EMID1: variants seen among roughly 807,000 people sequenced by gnomAD.
EMID1 encodes EMI domain-containing protein 1.
A neutral mutation model predicts 60.6 loss-of-function variants in EMID1; 40 were observed. That is an observed-to-expected ratio of 0.66 (90% CI 0.51 to 0.86). EMID1 has a LOEUF of 0.86. Ranked by LOEUF, EMID1 falls within the 40% of genes least tolerant of loss-of-function variation. The probability of loss-of-function intolerance (pLI) is 0.00; values close to 1 mark genes in which losing one functional copy is unlikely to be tolerated. For synonymous variants in EMID1, 242 were observed against 231.0 expected (o/e 1.05, Z -0.43); for missense variants, 585 against 597.1 (o/e 0.98, Z 0.21).
intron 3 of EMID1, among the ~76,000 whole-genome samples, chr22:29,224,688 T>C (rs1375588491): frequency 1.3e-5 from 2 of 152,250 alleles, no homozygotes; most frequent in African/African-American, 2.4e-5. Flanking sequence ...GTGTGCACAG[T>C]GGGCCCTTTG....
chr22:29,227,431 G>A (rs1044373788), intron 5 of EMID1, among the ~76,000 whole-genome samples: 7 of 151,242 alleles, frequency 4.6e-5, no homozygotes, highest in South Asian at 4.2e-4. Flanking sequence ...ACTGCTTGGC[G>A]CAGCGGCTCA....
intron 12 of EMID1, among the ~76,000 whole-genome samples, chr22:29,240,535 T>A (rs1242665979): frequency 6.6e-6 from 1 of 151,788 alleles, no homozygotes. Context: ...GTGACTTGGA[T>A]GGAATCCAGG....
At position 29,214,982 on chromosome 22, in the gene EMID1, C is replaced by A. The variant is rs767276600; in HGVS notation, c.158C>A (p.Thr53Asn). 4.4e-5 allele frequency: 69 copies of A among 1,553,782 alleles called. No homozygotes were observed. The Middle Eastern group carries it at 1.2e-3, about 26-fold the overall frequency. ...ATCTCATGCCATGTGCAGAATGGCA[C>A]CTACCTTCAGCGAGTGCTGCAGAAC... ...RTISCHVQNGTYLQRVLQNCP... is the reference protein window; with the variant it reads ...RTISCHVQNGNYLQRVLQNCP... Residue 53 changes from threonine (T) to asparagine (N), a missense_variant, in exon 2 of 15, where the codon ACC becomes AAC. Thr to Asn is a moderately conservative substitution (Grantham distance 65, BLOSUM62 0). Transcript: ENST00000334018.
rs1010621368 is a variant in EMID1 at position 29,254,062 on chromosome 22, G to A, written c.1120-141G>A. 7 of 1,537,708 alleles carry A rather than the reference G, an allele frequency of 4.6e-6. No individual in the cohort carries two copies. In the African/African-American group the frequency reaches 9.5e-5, roughly 21 times the overall value. ...TCCTGTCCTCACCTGGTCTTGTTCT[G>A]GCTGTCCATGGACCCTGGGCTGTGG... On this transcript the variant is annotated intron_variant, in intron 13 of 14. Transcript: ENST00000334018.
At chr22:29,248,038 G>A (rs145080611) in intron 13 of EMID1, among the ~76,000 whole-genome samples, 234 of 147,856 alleles carry the variant, frequency 1.6e-3, no homozygotes, top group African/African-American at 5.7e-3. Context: ...TGCAACCTCC[G>A]CCTCCTGGGT....
intron 3 of EMID1, among the ~76,000 whole-genome samples, chr22:29,221,409 C>T (rs531982259): frequency 1.9e-4 from 29 of 152,290 alleles, no homozygotes; most frequent in African/African-American, 6.0e-4. Flanking sequence ...GAGTCTTGCT[C>T]TGTCGCCCAG....
chr22:29,227,893 C>T (rs1023689772), intron 5 of EMID1, among the ~76,000 whole-genome samples: 1 of 151,726 alleles, frequency 6.6e-6, no homozygotes, highest in Non-Finnish European at 1.5e-5. Context: ...CCGTGGCTCA[C>T]GCCTGTAATC....
At chr22:29,212,600 G>T (rs1412688677) in intron 1 of EMID1, among the ~76,000 whole-genome samples, 1 of 150,556 alleles carries the variant, frequency 6.6e-6, no homozygotes, top group Non-Finnish European at 1.5e-5. Flanking sequence ...GTCTCACTCT[G>T]TTGCCCAGGC....
chr22:29,237,481 A>C (rs1212673714), intron 12 of EMID1, among the ~76,000 whole-genome samples: 4 of 143,406 alleles, frequency 2.8e-5, no homozygotes, highest in Non-Finnish European at 4.5e-5. Flanking sequence ...ATGCCCGGCC[A>C]TGCTCCTCCT....
intron 4 of EMID1, among the ~76,000 whole-genome samples, chr22:29,225,936 G>T (rs1378437648): frequency 1.3e-5 from 2 of 152,300 alleles, no homozygotes; most frequent in South Asian, 4.1e-4. Flanking sequence ...GTCAGGGGAG[G>T]CTCAGAGGTT....
chr22:29,234,692 T>C (rs1466732064), intron 12 of EMID1, among the ~76,000 whole-genome samples: 1 of 152,232 alleles, frequency 6.6e-6, no homozygotes, highest in African/African-American at 2.4e-5. Flanking sequence ...TGAGTCTTTG[T>C]TATTAGGTGC....
At chr22:29,226,062 G>C (rs1184220380) in intron 4 of EMID1, among the ~76,000 whole-genome samples, 1 of 152,174 alleles carries the variant, frequency 6.6e-6, no homozygotes, top group Non-Finnish European at 1.5e-5. Context: ...GAGAGGACAA[G>C]TCACGCGGGA....
chr22:29,227,786 C>T (rs765403339), intron 5 of EMID1, among the ~76,000 whole-genome samples: 13 of 151,134 alleles, frequency 8.6e-5, no homozygotes, highest in East Asian at 5.9e-4. Context: ...GAGGCCGAGC[C>T]GGGTGGATCA....
intron 3 of EMID1, chr22:29,216,674 A>T: frequency 2.0e-6 from 2 of 984,720 alleles, no homozygotes; most frequent in Non-Finnish European, 2.4e-6. Flanking sequence ...CCTCCCGGGG[A>T]CCCTCAACAG....
At position 29,234,207 on chromosome 22, in the gene EMID1, C is replaced by T. The variant is rs771592817; in HGVS notation, c.1029+8C>T. 9.3e-6 allele frequency: 15 copies of T among 1,605,176 alleles called. No homozygotes were observed. Among genetic ancestry groups the T allele is most frequent in the African/African-American group, 2.7e-5 (2 of 74,788 alleles). ...GGAGAGAAGGGCGAGAGAGTGAGTACCCAGGTGGCCCCAGGTGGGGGAATT... is the reference window on the plus strand; with the variant it reads ...GGAGAGAAGGGCGAGAGAGTGAGTATCCAGGTGGCCCCAGGTGGGGGAATT... On this transcript the variant is annotated splice_region_variant and intron_variant, in intron 11 of 14. Coordinates refer to ENST00000334018, the MANE Select transcript of EMID1 (RefSeq NM_133455.4).
intron 1 of EMID1, 65 bp downstream of exon 1, chr22:29,206,204 T>G: frequency 8.7e-7 from 1 of 1,146,464 alleles, no homozygotes; most frequent in Non-Finnish European, 1.1e-6. Context: ...CGCCCCCACC[T>G]CCAGGAAGGG....
At position 29,258,927 on chromosome 22, in the gene EMID1, C is replaced by T. The variant is rs762477700; in HGVS notation, c.1315C>T (p.Arg439Trp). Reference sequence around the variant, plus strand: ...CTACCGGATCGTGGCCCCCAGGAGCCGGGACGAGAGAGGCTGAGGGTGGTG... The same window carrying T: ...CTACCGGATCGTGGCCCCCAGGAGCTGGGACGAGAGAGGCTGAGGGTGGTG... ...TNYRIVAPRS[R>W]DERG The change falls in exon 15 of 15, where the codon CGG (arginine) becomes TGG (tryptophan). Residue 439 changes from arginine to tryptophan, a missense_variant. Coordinates refer to ENST00000334018, the MANE Select transcript of EMID1 (RefSeq NM_133455.4). 1.2e-5 allele frequency: 20 copies of T among 1,612,718 alleles called. No homozygotes were observed. In the South Asian group the frequency reaches 1.3e-4, roughly 11 times the overall value.
At chr22:29,231,442 A>C (rs2040737921) in intron 6 of EMID1, 151 bp from the exon 7 acceptor site, 3 of 868,164 alleles carry the variant, frequency 3.5e-6, no homozygotes, top group Non-Finnish European at 5.7e-6. Flanking sequence ...ACCTCTGCCT[A>C]CCCCCCCCAC....
intron 1 of EMID1, among the ~76,000 whole-genome samples, chr22:29,213,073 A>C (rs988024363): frequency 6.6e-6 from 1 of 152,228 alleles, no homozygotes; most frequent in African/African-American, 2.4e-5. Context: ...ATATCTGTAC[A>C]TGTGCACGCA....
Sources: allele counts gnomAD v4.1 joint callset (sites outside exome capture counted in the v4.1 genomes callset), GRCh38; gene constraint gnomAD v4.1.1; transcripts MANE v1.5; gene names NCBI Gene and HGNC (gene_info 2026-07-23, HGNC 2026-07-21).